Variants in JAML observed in about 807,000 individuals in gnomAD.
JAML encodes the protein junction adhesion molecule like, also known as junctional adhesion molecule-like.
In JAML, 25 loss-of-function variants were observed where a neutral mutation model predicts 39.3. The ratio of observed to expected loss-of-function variants is 0.64; its 90% CI spans 0.46 to 0.89. The LOEUF (loss-of-function observed/expected upper bound fraction) is 0.89, where lower values mean the gene tolerates loss of function less well. Ranked by LOEUF, JAML falls within the 40% of genes least tolerant of loss-of-function variation. JAML has a pLI of 0.00. For missense variants in JAML, 440 were observed against 486.9 expected (o/e 0.90, Z 0.91); for synonymous variants, 162 against 179.2 (o/e 0.90, Z 0.77).
chr11:118,214,885 A>G lies in JAML; in HGVS notation c.-19T>C. The G allele has an allele frequency of 6.2e-7, 1 of 1,613,678 alleles. No individual in the cohort carries two copies. The highest frequency in any genetic ancestry group is 8.5e-7 in the Non-Finnish European group (1 of 1,179,740). ...AAAACATGCTGCTCTCAACTTTCAAATCTTAAGATAAAAGAACAAAAATCA... is the reference window on the plus strand; with the variant it reads ...AAAACATGCTGCTCTCAACTTTCAAGTCTTAAGATAAAAGAACAAAAATCA... On this transcript the variant is annotated splice_region_variant and 5_prime_UTR_variant, in exon 2 of 10. Coordinates refer to ENST00000356289, the MANE Select transcript of JAML (RefSeq NM_001098526.2).
At chr11:118,197,872 C>A (rs1948692491) in intron 8 of JAML, 126 bp downstream of exon 8, 1 of 856,814 alleles carries the variant, frequency 1.2e-6, no homozygotes, top group East Asian at 2.5e-5. Context: ...CTTCCTGAGT[C>A]CCTGCTCTGT....
At chr11:118,202,001 C>T (rs12801003) in intron 6 of JAML, 34,862 of 151,920 alleles carry the variant, frequency 0.23, 4,584 homozygotes, top group African/African-American at 0.36. Flanking sequence ...GGAACTGTGT[C>T]CAACATAGAG....
At chr11:118,210,366 T>C (rs1378072433) in intron 4 of JAML, 121 bp downstream of exon 4, 2 of 724,888 alleles carry the variant, frequency 2.8e-6, no homozygotes, top group Non-Finnish European at 2.2e-6. Flanking sequence ...TTTTTGAAGA[T>C]TCACTCTGTG....
At chr11:118,209,701 T>A (rs527394079) in intron 4 of JAML, among the ~76,000 whole-genome samples, 188 of 131,898 alleles carry the variant, frequency 1.4e-3, no homozygotes, top group African/African-American at 2.7e-3. Context: ...TATTATTATT[T>A]TTTTTTTATT....
chr11:118,195,049 G>A (rs962092634), intron 9 of JAML, among the ~76,000 whole-genome samples: 1 of 152,134 alleles, frequency 6.6e-6, no homozygotes, highest in African/African-American at 2.4e-5. Flanking sequence ...TTAAACCTGG[G>A]GAAGTTAGCT....
chr11:118,208,848 G>A (rs1033813612), intron 4 of JAML: 3 of 152,388 alleles, frequency 2.0e-5, no homozygotes, highest in Non-Finnish European at 4.4e-5. Flanking sequence ...GAGAGACATG[G>A]AAATTATTTA....
rs577671073 is a variant in JAML, at chr11:118,194,046, C to G, written c.*279G>C. ...CTGCCCACAGGAGGGTCTGATCCAA[C>G]GGGGGGTTTGAGGCCACTCAGCTCA... On this transcript the variant is annotated 3_prime_UTR_variant, in exon 10 of 10. Coordinates refer to ENST00000356289, the MANE Select transcript of JAML (RefSeq NM_001098526.2). 2.6e-6 allele frequency: 1 copy of G among 388,552 alleles called. No homozygotes were observed. The highest frequency in any genetic ancestry group is 2.0e-5 in the African/African-American group (1 of 49,462). The allele number at this position is 388,552 out of a possible 1,614,324, so 24.1% of individuals were successfully genotyped here. A position where few individuals can be genotyped will look rare whatever the true frequency, so the allele number is the denominator to read the frequency against.
At chr11:118,219,372 C>G (rs2134677999) in intron 1 of JAML, among the ~76,000 whole-genome samples, 1 of 152,300 alleles carries the variant, frequency 6.6e-6, no homozygotes. Context: ...TGTGTGTAGT[C>G]CTGTTAAGTA....
Position 118,205,939 on chromosome 11 carries a change from G to T in JAML, c.477C>A (p.Ser159Arg). The change falls in exon 5 of 10, where the codon AGC becomes AGA. Residue 159 changes from serine to arginine, a missense_variant. Ser to Arg is a moderately radical substitution (Grantham distance 110, BLOSUM62 -1). Transcript: ENST00000356289. Reference protein sequence around the residue: ...GLIQMGCVFQSTEVKHVTKVE... With the variant: ...GLIQMGCVFQRTEVKHVTKVE... ...CCTTGGTCACGTGTTTCACTTCTGT[G>T]CTCTGGAAAACACATCCCATCTGAA... 2.5e-6 allele frequency: 4 copies of T among 1,614,118 alleles called. No individual in the cohort carries two copies. Among genetic ancestry groups the T allele is most frequent in the Non-Finnish European group, 3.4e-6 (4 of 1,180,004 alleles).
chr11:118,200,935 C>T (rs1948780560), intron 6 of JAML: 1 of 240,486 alleles, frequency 4.2e-6, no homozygotes, highest in African/African-American at 2.2e-5. Flanking sequence ...ATTTGAGAGG[C>T]TGCTGATCTT....
rs755788635 is a variant in JAML at position 118,210,651 on chromosome 11, C to T, written c.260G>A (p.Arg87His). 8.7e-6 allele frequency: 14 copies of T among 1,614,164 alleles called. No homozygotes were observed. Among genetic ancestry groups the T allele is most frequent in the Non-Finnish European group, 1.1e-5 (13 of 1,180,018 alleles). Residue 87 changes from arginine to histidine, a missense_variant, in exon 4 of 10, where the codon CGC (arginine) becomes CAC (histidine). Coordinates refer to ENST00000356289, the MANE Select transcript of JAML (RefSeq NM_001098526.2). ...TAAGATGTCCCCCATCAAGTGTACG[C>T]GGTTCTGGAAGCGCCCAATAGGCAC... Reference protein sequence around the residue: ...LSVPIGRFQNRVHLMGDILCN... With the variant: ...LSVPIGRFQNHVHLMGDILCN...
intron 1 of JAML, among the ~76,000 whole-genome samples, chr11:118,220,266 CA>C (rs1394780895): frequency 1.3e-5 from 2 of 152,220 alleles, no homozygotes; most frequent in African/African-American, 4.8e-5. Context: ...TTATCCGGTG[CA>C]AGGCCCCAGT....
intron 1 of JAML, among the ~76,000 whole-genome samples, chr11:118,219,330 G>C (rs1009445445): frequency 2.0e-5 from 3 of 152,212 alleles, no homozygotes; most frequent in African/African-American, 7.2e-5. Flanking sequence ...TGGTAGGAAT[G>C]CAAACTAGTA....
intron 1 of JAML, among the ~76,000 whole-genome samples, chr11:118,220,673 G>T (rs1484868918): frequency 6.6e-6 from 1 of 152,204 alleles, no homozygotes; most frequent in Non-Finnish European, 1.5e-5. Context: ...GGGAAGAAAG[G>T]CAGGCTCAAT....
intron 5 of JAML, 41 bp downstream of exon 5, chr11:118,205,841 C>A (rs1403745876): frequency 6.4e-7 from 1 of 1,564,602 alleles, no homozygotes; most frequent in Admixed American, 1.7e-5. Context: ...ATACCATCAG[C>A]CAGAGCCTTC....
chr11:118,200,626 A>G lies in JAML; in HGVS notation c.773-14T>C, dbSNP rs781185556. On this transcript the variant is annotated splice_polypyrimidine_tract_variant and intron_variant, in intron 6 of 9. Coordinates refer to ENST00000356289, the MANE Select transcript of JAML (RefSeq NM_001098526.2). ...GGGTCACCAGTGCTTGGGAAAGTAG[A>G]AAAGCAAGGAGAGGGTCTCAATACT... 3.5e-5 allele frequency: 56 copies of G among 1,613,942 alleles called. No homozygotes were observed. The highest frequency in any genetic ancestry group is 1.4e-4 in the South Asian group (13 of 91,082).
chr11:118,210,370 C>T (rs2134666056), intron 4 of JAML, 117 bp downstream of exon 4: 1 of 782,174 alleles, frequency 1.3e-6, no homozygotes. Flanking sequence ...TGAAGATTCA[C>T]TCTGTGGTAA....
At chr11:118,217,324 A>G (rs1949157561) in intron 1 of JAML, among the ~76,000 whole-genome samples, 1 of 152,216 alleles carries the variant, frequency 6.6e-6, no homozygotes, top group Non-Finnish European at 1.5e-5. Context: ...CGACTCTAAA[A>G]AGATTCTGAA....
At chr11:118,224,806 G>A (rs1451890510) in intron 1 of JAML, 135 bp downstream of exon 1, 1 of 152,200 alleles carries the variant, frequency 6.6e-6, no homozygotes, top group Non-Finnish European at 1.5e-5. Flanking sequence ...ACATCCCCCT[G>A]CAGAGATCAA....
Sources: gnomAD v4.1 joint callset for allele counts (sites outside exome capture counted in the v4.1 genomes callset) on GRCh38, gnomAD v4.1.1 for gene constraint, MANE v1.5 for transcripts, NCBI Gene and HGNC (gene_info 2026-07-23, HGNC 2026-07-21) for gene names.